DGKB: variants seen among roughly 807,000 people sequenced by gnomAD.
The protein encoded by DGKB is 90 kDa diacylglycerol kinase.
A neutral mutation model predicts 114.3 loss-of-function variants in DGKB; 67 were observed. That is an observed-to-expected ratio of 0.59 (90% CI 0.48 to 0.72). The LOEUF (loss-of-function observed/expected upper bound fraction) is 0.72. DGKB is among the 30% of genes least tolerant of loss of function. The pLI is 0.00. For synonymous variants in DGKB, 398 were observed against 323.1 expected, an observed-to-expected ratio of 1.23 and a Z score of -2.49; for missense variants, 907 against 975.2, an observed-to-expected ratio of 0.93 and a Z score of 0.93.
At chr7:14,672,202 G>A (rs1312300449) in intron 13 of DGKB, among the ~76,000 whole-genome samples, 1 of 152,044 alleles carries the variant, frequency 6.6e-6, no homozygotes, top group African/African-American at 2.4e-5. Context: ...TCAAATGGAA[G>A]TTCCAGCCAT....
intron 2 of DGKB, among the ~76,000 whole-genome samples, chr7:14,790,019 G>A (rs949490846): frequency 2.6e-5 from 4 of 152,036 alleles, no homozygotes; most frequent in Admixed American, 6.6e-5. Flanking sequence ...TTTTGGTTTT[G>A]ATTGCATTTC....
chr7:14,390,859 A>G (rs1821203799), intron 21 of DGKB, among the ~76,000 whole-genome samples: 1 of 152,220 alleles, frequency 6.6e-6, no homozygotes, highest in African/African-American at 2.4e-5. Context: ...TAGAATATGT[A>G]TGCAACATAT....
rs551618345 is a variant in DGKB, at chr7:14,689,199, A to ATTTTTTTTTTTTTTTTTTTTTT, written c.712-3859_712-3838dup. Among the ~76,000 whole-genome samples, 49 of 76,566 alleles carry ATTTTTTTTTTTTTTTTTTTTTT rather than the reference A, an allele frequency of 6.4e-4. 11 individuals carry two copies. The highest frequency in any genetic ancestry group is 2.1e-3 in the East Asian group (3 of 1,426). 50.2% of individuals were successfully genotyped at this position (76,566 alleles called of 152,430 possible). On this transcript the variant is annotated intron_variant, in intron 9 of 25. Coordinates refer to ENST00000402815, the MANE Select transcript of DGKB (RefSeq NM_001350709.2). Reference sequence around the variant, plus strand: ...TGACAATGTGACAGAAACTCCTCTTATTTTTTTTTTTTTTTTTTTTTTTTT... The same window carrying ATTTTTTTTTTTTTTTTTTTTTT: ...TGACAATGTGACAGAAACTCCTCTTATTTTTTTTTTTTTTTTTTTTTTTTTTTTTTTTTTTTTTTTTTTTTTT...
At chr7:14,670,138 T>C (rs1281629275) in intron 13 of DGKB, among the ~76,000 whole-genome samples, 6 of 152,124 alleles carry the variant, frequency 3.9e-5, no homozygotes, top group Non-Finnish European at 7.4e-5. Context: ...TAAATATTCA[T>C]AGTGAAATAA....
chr7:14,668,437 A>G (rs1818412703), intron 13 of DGKB, among the ~76,000 whole-genome samples: 1 of 152,136 alleles, frequency 6.6e-6, no homozygotes, highest in South Asian at 2.1e-4. Context: ...CTCTGGAGTG[A>G]TAACCACTCG....
At chr7:14,409,334 T>C (rs912637974) in intron 21 of DGKB, among the ~76,000 whole-genome samples, 29 of 152,122 alleles carry the variant, frequency 1.9e-4, no homozygotes, top group Non-Finnish European at 2.8e-4. Context: ...AAACCTTGAA[T>C]AATATCATGA....
chr7:14,479,109 T>G (rs1298217348), intron 20 of DGKB, among the ~76,000 whole-genome samples: 2 of 152,144 alleles, frequency 1.3e-5, no homozygotes, highest in East Asian at 1.9e-4. Context: ...AATGAGGAAC[T>G]AATATATTTA....
chr7:14,217,931 T>C (rs912723087), intron 23 of DGKB, among the ~76,000 whole-genome samples: 3 of 152,150 alleles, frequency 2.0e-5, no homozygotes, highest in Non-Finnish European at 4.4e-5. Flanking sequence ...CATACTTTTG[T>C]AATAATAAAT....
chr7:14,862,967 G>A (rs375515180), intron 1 of DGKB, among the ~76,000 whole-genome samples: 2 of 151,332 alleles, frequency 1.3e-5, no homozygotes, highest in Non-Finnish European at 2.9e-5. Context: ...AATGCCTTTC[G>A]ACAGAACTCA....
chr7:14,197,430 A>G (rs1785187336), intron 23 of DGKB, among the ~76,000 whole-genome samples: 1 of 152,098 alleles, frequency 6.6e-6, no homozygotes, highest in Non-Finnish European at 1.5e-5. Context: ...GTTTTTATCA[A>G]ATTTGATTGC....
At chr7:14,548,578 G>A (rs895770945) in intron 20 of DGKB, among the ~76,000 whole-genome samples, 4 of 152,246 alleles carry the variant, frequency 2.6e-5, no homozygotes, top group Middle Eastern at 6.8e-3. Flanking sequence ...AGGAGCAAAG[G>A]AATAGAGTAA....
At chr7:14,320,563 A>G (rs1402100422) in intron 23 of DGKB, among the ~76,000 whole-genome samples, 1 of 140,054 alleles carries the variant, frequency 7.1e-6, no homozygotes, top group Non-Finnish European at 1.5e-5. Flanking sequence ...TATATAGTAC[A>G]TATATATATG....
intron 20 of DGKB, among the ~76,000 whole-genome samples, chr7:14,531,177 A>G (rs1289368141): frequency 6.6e-6 from 1 of 151,440 alleles, no homozygotes; most frequent in Non-Finnish European, 1.5e-5. Context: ...AGTAGAGGCT[A>G]TTTCATTGGA....
chr7:14,523,563 C>T (rs1219383813), intron 20 of DGKB, among the ~76,000 whole-genome samples: 1 of 152,020 alleles, frequency 6.6e-6, no homozygotes, highest in African/African-American at 2.4e-5. Context: ...ATCAAGGCCA[C>T]ACATAAAACA....
intron 21 of DGKB, among the ~76,000 whole-genome samples, chr7:14,379,051 T>TTTC (rs762036116): frequency 1.3e-5 from 2 of 151,904 alleles, no homozygotes; most frequent in African/African-American, 2.4e-5. Flanking sequence ...TCATTTTTTT[T>TTTC]TTCAGTTTTT....
At chr7:14,258,010 G>C (rs1441621938) in intron 23 of DGKB, among the ~76,000 whole-genome samples, 6 of 152,212 alleles carry the variant, frequency 3.9e-5, no homozygotes, top group African/African-American at 1.4e-4. Flanking sequence ...TTGCAGGCGT[G>C]AGCCAATCAA....
rs150790256 is a variant in DGKB at position 14,254,021 on chromosome 7, T to C, written c.2123-75870A>G. 2.0e-5 allele frequency among the ~76,000 whole-genome samples: 3 copies of C among 152,334 alleles called. No individual in the cohort carries two copies. The East Asian group carries it at 5.8e-4, about 29-fold the overall frequency. On this transcript the variant is annotated intron_variant, in intron 23 of 25. Coordinates refer to ENST00000402815, the MANE Select transcript of DGKB (RefSeq NM_001350709.2). ...ATTAAGCTGTTTAGACTCAATATTA[T>C]GTGGGTCTCACTTTTGCTGATACAA...
chr7:14,657,017 G>T (rs1349047650), intron 13 of DGKB, among the ~76,000 whole-genome samples: 1 of 151,644 alleles, frequency 6.6e-6, no homozygotes, highest in Non-Finnish European at 1.5e-5. Flanking sequence ...ACAGATAAAT[G>T]GTTGGTTAAC....
intron 1 of DGKB, among the ~76,000 whole-genome samples, chr7:14,865,338 G>T (rs761418842): frequency 7.2e-4 from 109 of 152,310 alleles, no homozygotes; most frequent in Admixed American, 2.2e-3. Flanking sequence ...AATGAAGCAA[G>T]TAGGAGTACT....
Sources: allele counts gnomAD v4.1 joint callset (sites outside exome capture counted in the v4.1 genomes callset), GRCh38; gene constraint gnomAD v4.1.1; transcripts MANE v1.5; gene names NCBI Gene and HGNC (gene_info 2026-07-23, HGNC 2026-07-21).